Variants in TET3 observed in about 807,000 individuals in gnomAD.
TET3 encodes the protein methylcytosine dioxygenase TET3.
Under a neutral mutation model 141.4 loss-of-function variants are expected in TET3, and 19 were observed. That is an observed-to-expected ratio of 0.13 (90% CI 0.09 to 0.20). TET3 has a LOEUF of 0.20. Among genes scored for constraint, TET3 ranks in the 10% least tolerant of loss-of-function variants. The pLI, the probability that TET3 is intolerant of heterozygous loss-of-function variation, is 1.00. For missense variants in TET3, 1,874 were observed against 2,356.9 expected (o/e 0.80, Z 4.24); for synonymous variants, 1,043 against 980.9 (o/e 1.06, Z -1.18).
At chr2:74,115,193 T>G in the TET3 span, among the ~76,000 whole-genome samples, 1 of 152,126 alleles carries the variant, frequency 6.6e-6, no homozygotes, top group African/African-American at 2.4e-5. Context: ...AGAAAGGATT[T>G]GCAAACAACT....
chr2:74,030,177 G>T (rs1368200510), intron 3 of TET3, among the ~76,000 whole-genome samples: 1 of 152,190 alleles, frequency 6.6e-6, no homozygotes, highest in Non-Finnish European at 1.5e-5. Flanking sequence ...GAAAGGAATG[G>T]TTGTTATGAT....
rs1291111136 is a variant in TET3, at chr2:74,087,109, G to A, written c.2680-721G>A. Among the ~76,000 whole-genome samples, 1 of 152,142 alleles carries A rather than the reference G, an allele frequency of 6.6e-6. No homozygotes were observed. Among genetic ancestry groups the A allele is most frequent in the African/African-American group, 2.4e-5 (1 of 41,418 alleles). On this transcript the variant is annotated intron_variant, in intron 6 of 11. Coordinates refer to ENST00000409262, the MANE Select transcript of TET3 (RefSeq NM_001287491.2). This position sits in a 1 kb window ranked among gnomAD's most constrained non-coding sequence, Gnocchi z 4.3. ...GTGTCTGGCTTATTTCACATAGCAT[G>A]TTTTTGGGGTTCATCCATGTTGTAA...
chr2:74,094,667 G>A (rs1202276609), intron 10 of TET3, among the ~76,000 whole-genome samples: 2 of 152,162 alleles, frequency 1.3e-5, no homozygotes, highest in African/African-American at 2.4e-5. Flanking sequence ...AGGAGTGGGG[G>A]GAGGTGCTGA....
rs765786409 is a variant in TET3, at chr2:74,046,712, T to C, written c.795T>C (p.His265=). Residue 265 remains histidine, a synonymous_variant, in exon 4 of 12, where the codon CAT becomes CAC. Coordinates refer to ENST00000409262, the MANE Select transcript of TET3 (RefSeq NM_001287491.2). The surrounding 1 kb of genome is among the most constrained non-coding windows in gnomAD (Gnocchi z 4.3). The stretch of plus-strand genomic sequence containing the variant: ...AGACGGCCCTGGCCCTCGCGCGGCA[T>C]GGTATGAAACCACCCAACTGCAACT... ...TLQTALALAR[H]GMKPPNCNCD... 6.2e-5 allele frequency: 100 copies of C among 1,613,846 alleles called. No individual in the cohort carries two copies. The highest frequency in any genetic ancestry group is 7.9e-5 in the Non-Finnish European group (93 of 1,179,890).
At chr2:74,134,752 A>T in the TET3 span, 3 of 456,712 alleles carry the variant, frequency 6.6e-6, no homozygotes, top group Non-Finnish European at 1.3e-5. Context: ...CTGGAGCCCA[A>T]ATCACACTGC....
chr2:74,041,582 A>C (rs926624421), intron 3 of TET3, among the ~76,000 whole-genome samples: 6 of 152,268 alleles, frequency 3.9e-5, no homozygotes, highest in Admixed American at 2.0e-4. Context: ...AAAATAAAGA[A>C]GAAAGATACA....
At position 74,107,926 on chromosome 2, in the gene TET3, T is replaced by G. The variant is rs1326002558; in HGVS notation, c.*5750T>G. 1 of 152,996 alleles carries G rather than the reference T, an allele frequency of 6.5e-6. No individual in the cohort carries two copies. The highest frequency in any genetic ancestry group is 1.5e-5 in the Non-Finnish European group (1 of 68,044). The allele number at this position is 152,996 out of a possible 1,614,324, so 9.5% of individuals were successfully genotyped here. On this transcript the variant is annotated 3_prime_UTR_variant, in exon 12 of 12. Coordinates refer to ENST00000409262, the MANE Select transcript of TET3 (RefSeq NM_001287491.2). ...AATTTTATTTTGTATAATTTTTACC[T>G]TTTTGTTAATATTTTTTCCTTCCAC...
At chr2:74,032,128 A>C (rs542626162) in intron 3 of TET3, among the ~76,000 whole-genome samples, 3 of 152,292 alleles carry the variant, frequency 2.0e-5, no homozygotes, top group Admixed American at 2.0e-4. Context: ...CTCCTTCTCT[A>C]AACCTGGCCC....
At position 73,994,614 on chromosome 2, in the gene TET3, TTTTC is replaced by T. The variant is rs935777591; in HGVS notation, c.303+7932_303+7935del. On this transcript the variant is annotated intron_variant, in intron 2 of 11. Transcript: ENST00000409262. ...TGAAGTATATTATCAGGTCTATTTT[TTTTC>T]TTTCTTTCTTTCTTTCTTTCTTTTT... 7.1e-3 allele frequency among the ~76,000 whole-genome samples: 1,012 copies of T among 143,538 alleles called. 16 individuals carry two copies. The highest frequency in any genetic ancestry group is 0.024 in the African/African-American group (850 of 34,934). The allele number at this position is 143,538 out of a possible 152,430, so 94.2% of individuals were successfully genotyped here.
Position 74,090,226 on chromosome 2 carries a change from C to G in TET3, c.3039+179C>G, listed in dbSNP as rs1690401221. Among the ~76,000 whole-genome samples, 3 of 152,194 alleles carry G rather than the reference C, an allele frequency of 2.0e-5. No individual in the cohort carries two copies. In the South Asian group the frequency reaches 6.2e-4, roughly 32 times the overall value. ...GAAATAAGGGGTGTGTGGAGGGCACCAAGTGTGAAAAATTAGACTTAGCAG... is the reference window on the plus strand; with the variant it reads ...GAAATAAGGGGTGTGTGGAGGGCACGAAGTGTGAAAAATTAGACTTAGCAG... On this transcript the variant is annotated intron_variant, in intron 8 of 11. Transcript: ENST00000409262.
intron 3 of TET3, among the ~76,000 whole-genome samples, chr2:74,040,396 T>C (rs1377128093): frequency 6.6e-6 from 1 of 152,148 alleles, no homozygotes; most frequent in Non-Finnish European, 1.5e-5. Context: ...TGAGAGACAG[T>C]TCACATTTAG....
At chr2:74,026,950 A>G (rs542427574) in intron 3 of TET3, among the ~76,000 whole-genome samples, 42 of 152,324 alleles carry the variant, frequency 2.8e-4, no homozygotes, top group Non-Finnish European at 5.0e-4. Flanking sequence ...CACCACTCCT[A>G]CTGTCCCCTG....
At chr2:74,019,511 C>G (rs567445134) in intron 3 of TET3, among the ~76,000 whole-genome samples, 1 of 152,316 alleles carries the variant, frequency 6.6e-6, no homozygotes, top group African/African-American at 2.4e-5. Flanking sequence ...CGTGGCAATA[C>G]TGTGTGCCTG....
intron 2 of TET3, among the ~76,000 whole-genome samples, chr2:73,995,475 AT>A: frequency 6.6e-6 from 1 of 152,242 alleles, no homozygotes; most frequent in East Asian, 1.9e-4. Flanking sequence ...TTTTTAGCAG[AT>A]TGTCAAGAGT....
chr2:74,124,795 C>T, the TET3 span, among the ~76,000 whole-genome samples: 2 of 151,738 alleles, frequency 1.3e-5, no homozygotes, highest in Admixed American at 1.3e-4. Context: ...TGCGGAAGGC[C>T]GCAGGGTCCT....
Position 74,073,529 on chromosome 2 carries a change from T to G in TET3, c.2495-20T>G. The G allele has an allele frequency of 6.4e-7, 1 of 1,568,838 alleles. No homozygotes were observed. The highest frequency in any genetic ancestry group is 1.7e-4 in the Middle Eastern group (1 of 5,942). On this transcript the variant is annotated intron_variant, in intron 4 of 11. Coordinates refer to ENST00000409262, the MANE Select transcript of TET3 (RefSeq NM_001287491.2). ...GACTAATTGATATTCCAAAAATGTTTACTCTCTGTGTTTCTGCAGAACAAA... is the reference window on the plus strand; with the variant it reads ...GACTAATTGATATTCCAAAAATGTTGACTCTCTGTGTTTCTGCAGAACAAA...
chr2:74,069,633 C>T (rs1487321743), intron 4 of TET3, among the ~76,000 whole-genome samples: 1 of 151,494 alleles, frequency 6.6e-6, no homozygotes, highest in Non-Finnish European at 1.5e-5. Flanking sequence ...GTCACCCAGG[C>T]AGGAGTGCAG....
chr2:74,102,044 T>C lies in TET3; in HGVS notation c.5256T>C (p.Ala1752=). The change falls in exon 12 of 12, where the codon GCT becomes GCC. Residue 1752 remains alanine (A), a synonymous_variant. Coordinates refer to ENST00000409262, the MANE Select transcript of TET3 (RefSeq NM_001287491.2). ...GCAAGTGGGGGGGCACTGTGGTTGC[T>C]GAGCCCCAGCAGAAAGAGAAGAAGG... ...KKRKWGGTVV[A]EPQQKEKKGV... The C allele has an allele frequency of 3.2e-6, 5 of 1,543,912 alleles. No homozygotes were observed. The highest frequency in any genetic ancestry group is 4.4e-6 in the Non-Finnish European group (5 of 1,145,712).
chr2:74,017,054 G>A (rs1403533807), intron 3 of TET3, among the ~76,000 whole-genome samples: 1 of 152,058 alleles, frequency 6.6e-6, no homozygotes, highest in Non-Finnish European at 1.5e-5. Flanking sequence ...GGGAAGCTGA[G>A]GCAGCAGAAT....
Sources: allele counts gnomAD v4.1 joint callset (sites outside exome capture counted in the v4.1 genomes callset), GRCh38; gene constraint gnomAD v4.1.1; non-coding constraint Gnocchi (gnomAD v3.1); transcripts MANE v1.5; gene names NCBI Gene and HGNC (gene_info 2026-07-23, HGNC 2026-07-21).